Variants in TSPAN18 observed in about 807,000 individuals in gnomAD.
The protein encoded by TSPAN18 is tetraspanin-18.
A neutral mutation model predicts 27.3 loss-of-function variants in TSPAN18; 14 were observed. The observed-to-expected ratio is 0.51, with a 90% CI of 0.34 to 0.80. The LOEUF (loss-of-function observed/expected upper bound fraction) is 0.80. TSPAN18 is among the 30% of genes least tolerant of loss of function. TSPAN18 has a pLI of 0.01. For missense variants in TSPAN18, 268 were observed against 323.9 expected, an observed-to-expected ratio of 0.83 and a Z score of 1.32; for synonymous variants, 143 against 136.5, an observed-to-expected ratio of 1.05 and a Z score of -0.33.
At chr11:44,868,115 G>A (rs191166849) in intron 3 of TSPAN18, among the ~76,000 whole-genome samples, 3 of 152,190 alleles carry the variant, frequency 2.0e-5, no homozygotes, top group African/African-American at 7.2e-5. Context: ...AAGGAGGCCG[G>A]GTGCAGCGTG....
intron 2 of TSPAN18, among the ~76,000 whole-genome samples, chr11:44,831,263 A>G (rs1285879559): frequency 6.6e-6 from 1 of 152,198 alleles, no homozygotes; most frequent in Non-Finnish European, 1.5e-5. Context: ...GAGGACCCCC[A>G]TCTGTTCCAC....
intron 2 of TSPAN18, among the ~76,000 whole-genome samples, chr11:44,843,838 C>A (rs924443055): frequency 6.6e-6 from 1 of 152,248 alleles, no homozygotes; most frequent in Non-Finnish European, 1.5e-5. Flanking sequence ...GGTTATCTCT[C>A]TTATTCCCTG....
At chr11:44,851,731 C>G (rs12226724) in intron 2 of TSPAN18, among the ~76,000 whole-genome samples, 13,089 of 152,074 alleles carry the variant, frequency 0.086, 1,751 homozygotes, top group East Asian at 0.55. Context: ...AGGCCCTGCG[C>G]TGTTGCCTTG....
At chr11:44,895,921 A>G (rs1288494622) in intron 3 of TSPAN18, among the ~76,000 whole-genome samples, 2 of 152,186 alleles carry the variant, frequency 1.3e-5, no homozygotes, top group African/African-American at 2.4e-5. Context: ...GCCCTGAACT[A>G]CAAAGCTGGA....
chr11:44,916,518 C>T (rs1455435580), intron 5 of TSPAN18, among the ~76,000 whole-genome samples: 1 of 152,182 alleles, frequency 6.6e-6, no homozygotes, highest in African/African-American at 2.4e-5. Context: ...TCATTTCCAA[C>T]AGGGGAAATG....
At chr11:44,914,745 T>G (rs1235213708) in intron 5 of TSPAN18, among the ~76,000 whole-genome samples, 3 of 152,184 alleles carry the variant, frequency 2.0e-5, no homozygotes, top group Non-Finnish European at 4.4e-5. Flanking sequence ...ATGGGGGTGT[T>G]GCTGATAATA....
intron 1 of TSPAN18, among the ~76,000 whole-genome samples, chr11:44,755,927 G>A (rs1042547546): frequency 2.0e-5 from 3 of 152,068 alleles, no homozygotes; most frequent in Admixed American, 6.5e-5. Flanking sequence ...GAGCCAGGGT[G>A]GGGAGAAGGG....
rs1255978831 is a variant in TSPAN18 at position 44,912,999 on chromosome 11, G to A, written c.258+3100G>A. Among the ~76,000 whole-genome samples the A allele has an allele frequency of 2.0e-5, 3 of 151,972 alleles. No individual in the cohort carries two copies. The East Asian group carries it at 5.8e-4, about 29-fold the overall frequency. ...AAGTTTCTGGAAGGTTTTCAAAAAG[G>A]TTTATGCCCTAAAAAATAAGAAAAA... On this transcript the variant is annotated intron_variant, in intron 5 of 9. Transcript: ENST00000520358.
intron 1 of TSPAN18, among the ~76,000 whole-genome samples, chr11:44,759,361 C>T (rs76872504): frequency 0.026 from 4,000 of 152,272 alleles, 65 homozygotes; most frequent in Non-Finnish European, 0.042. Flanking sequence ...TGTTTGACGA[C>T]GTGGTCTCTC....
chr11:44,743,465 G>A (rs555246604), intron 1 of TSPAN18, among the ~76,000 whole-genome samples: 3 of 152,298 alleles, frequency 2.0e-5, no homozygotes, highest in African/African-American at 7.2e-5. Context: ...GGCTGATTAC[G>A]TCTTGGGGCA....
chr11:44,912,511 G>A (rs920284363), intron 5 of TSPAN18, among the ~76,000 whole-genome samples: 2 of 152,002 alleles, frequency 1.3e-5, no homozygotes, highest in Non-Finnish European at 2.9e-5. Context: ...AGGTCTTCTG[G>A]CTCCCAGACC....
intron 2 of TSPAN18, among the ~76,000 whole-genome samples, chr11:44,856,811 C>G (rs1857751539): frequency 6.6e-6 from 1 of 152,176 alleles, no homozygotes; most frequent in South Asian, 2.1e-4. Flanking sequence ...CAAGTTCTAC[C>G]TACTTTCAAC....
At chr11:44,787,489 A>G (rs1312251627) in intron 2 of TSPAN18, among the ~76,000 whole-genome samples, 2 of 152,198 alleles carry the variant, frequency 1.3e-5, no homozygotes, top group Non-Finnish European at 2.9e-5. Context: ...CTGGCTGTGC[A>G]GGTTGATTCT....
intron 2 of TSPAN18, among the ~76,000 whole-genome samples, chr11:44,819,833 G>A (rs375271316): frequency 2.1e-3 from 315 of 151,914 alleles, no homozygotes; most frequent in African/African-American, 7.1e-3. Context: ...AAAGTCCAGA[G>A]CCTGAGCCAA....
chr11:44,822,858 A>C (rs556809459), intron 2 of TSPAN18, among the ~76,000 whole-genome samples: 1 of 152,304 alleles, frequency 6.6e-6, no homozygotes, highest in East Asian at 1.9e-4. Context: ...AAGTCCTGCT[A>C]AACCAAGTTA....
In TSPAN18 at chr11:44,929,274, G is replaced by T; in HGVS notation, c.*96G>T. ...CTCCCCGCTGTCCTCTTGGCCCCAG[G>T]GGAGAAGATGAGGCCATCAGAGATG... On this transcript the variant is annotated 3_prime_UTR_variant, in exon 10 of 10. Coordinates refer to ENST00000520358, the MANE Select transcript of TSPAN18 (RefSeq NM_130783.5). The T allele has an allele frequency of 6.7e-7, 1 of 1,498,498 alleles. No individual in the cohort carries two copies. Among genetic ancestry groups the T allele is most frequent in the East Asian group, 2.3e-5 (1 of 44,232 alleles). 92.8% of individuals were successfully genotyped at this position (1,498,498 alleles called of 1,614,324 possible).
At chr11:44,772,191 A>C (rs1049837674) in intron 2 of TSPAN18, among the ~76,000 whole-genome samples, 1 of 152,226 alleles carries the variant, frequency 6.6e-6, no homozygotes, top group Non-Finnish European at 1.5e-5. Flanking sequence ...TTTCATCCAG[A>C]AACAGCCTGG....
In TSPAN18 at chr11:44,930,871, G is replaced by C. The variant is rs1461230379; in HGVS notation, c.*1693G>C. ...CTCTGTCCCTCTTCAGGAAGAAAGA[G>C]CTCATTCTGTCTCACAAGCCACCGG... On this transcript the variant is annotated 3_prime_UTR_variant, in exon 10 of 10. Coordinates refer to ENST00000520358, the MANE Select transcript of TSPAN18 (RefSeq NM_130783.5). 1.9e-6 allele frequency: 1 copy of C among 520,734 alleles called. No individual in the cohort carries two copies. The allele number at this position is 520,734 out of a possible 1,614,324, so 32.3% of individuals were successfully genotyped here.
At chr11:44,875,553 A>C (rs1858307038) in intron 3 of TSPAN18, among the ~76,000 whole-genome samples, 1 of 152,196 alleles carries the variant, frequency 6.6e-6, no homozygotes, top group South Asian at 2.1e-4. Flanking sequence ...TGGAATTGAG[A>C]AGATGTTACA....
Sources: allele counts gnomAD v4.1 joint callset (sites outside exome capture counted in the v4.1 genomes callset), GRCh38; gene constraint gnomAD v4.1.1; transcripts MANE v1.5; gene names NCBI Gene and HGNC (gene_info 2026-07-23, HGNC 2026-07-21).